ELOVL7: variants seen among roughly 807,000 people sequenced by gnomAD.
The protein encoded by ELOVL7 is ELOVL fatty acid elongase 7.
ELOVL7 carries 27 observed loss-of-function variants against 35.7 expected under a neutral mutation model. The ratio of observed to expected loss-of-function variants is 0.76; its 90% CI spans 0.56 to 1.04. ELOVL7 has a LOEUF of 1.04. Among genes scored for constraint, ELOVL7 ranks in the 50% least tolerant of loss-of-function variants. The pLI, the probability that ELOVL7 is intolerant of heterozygous loss-of-function variation, is 0.00. For missense variants in ELOVL7, 327 were observed against 340.8 expected, an observed-to-expected ratio of 0.96 and a Z score of 0.32; for synonymous variants, 113 against 114.6, an observed-to-expected ratio of 0.99 and a Z score of 0.09.
intron 7 of ELOVL7, among the ~76,000 whole-genome samples, chr5:60,759,810 C>T (rs1246822402): frequency 6.6e-6 from 1 of 151,872 alleles, no homozygotes; most frequent in East Asian, 1.9e-4. Context: ...CACAGCAGTC[C>T]CCAGAGTGTG....
chr5:60,757,693 A>C, intron 7 of ELOVL7, 48 bp from the exon 8 acceptor site: 1 of 1,471,484 alleles, frequency 6.8e-7, no homozygotes, highest in South Asian at 1.5e-5. Flanking sequence ...CCTTAAAATG[A>C]ACCACATTTT....
chr5:60,762,299 C>CAA (rs3030130), intron 7 of ELOVL7, among the ~76,000 whole-genome samples: 75 of 79,244 alleles, frequency 9.5e-4, no homozygotes, highest in Non-Finnish European at 1.3e-3. Flanking sequence ...AACTCTGCCT[C>CAA]AAAAAAAAAA....
chr5:60,792,722 G>A (rs1357462464), intron 2 of ELOVL7, among the ~76,000 whole-genome samples: 8 of 152,152 alleles, frequency 5.3e-5, no homozygotes, highest in African/African-American at 1.9e-4. Context: ...ATGTGGTATA[G>A]GTGTATAGGT....
intron 1 of ELOVL7, among the ~76,000 whole-genome samples, chr5:60,823,303 A>G (rs1404541575): frequency 6.6e-6 from 1 of 151,944 alleles, no homozygotes; most frequent in Non-Finnish European, 1.5e-5. Context: ...ATGAGTTAGT[A>G]AAGGGGAGGA....
chr5:60,820,749 C>T (rs1056350789), intron 1 of ELOVL7, among the ~76,000 whole-genome samples: 1 of 152,150 alleles, frequency 6.6e-6, no homozygotes, highest in Non-Finnish European at 1.5e-5. Flanking sequence ...TCCTTAAACT[C>T]CACTGACCCC....
intron 1 of ELOVL7, chr5:60,843,424 G>A (rs1747303911): frequency 6.6e-6 from 1 of 152,152 alleles, no homozygotes; most frequent in African/African-American, 2.4e-5. Flanking sequence ...AACGATACCT[G>A]GGACGACAAA....
At position 60,794,008 on chromosome 5, in the gene ELOVL7, C is replaced by T. The variant is rs368901466; in HGVS notation, c.-35+5172G>A. ...GGTGGAAGAAACAAGAGAGATACTT[C>T]AGAGGAATAGCTAAGGCTCACAGTC... On this transcript the variant is annotated intron_variant, in intron 2 of 8. Coordinates refer to ENST00000508821, the MANE Select transcript of ELOVL7 (RefSeq NM_024930.3). 8.5e-5 allele frequency among the ~76,000 whole-genome samples: 13 copies of T among 152,240 alleles called. No individual in the cohort carries two copies. The South Asian group carries it at 1.5e-3, about 17-fold the overall frequency.
chr5:60,817,757 T>A (rs867791181), intron 1 of ELOVL7, among the ~76,000 whole-genome samples: 2 of 143,162 alleles, frequency 1.4e-5, no homozygotes, highest in Non-Finnish European at 1.5e-5. Context: ...ACCATATATA[T>A]ACCATATATA....
chr5:60,792,825 T>C (rs1218462856), intron 2 of ELOVL7, among the ~76,000 whole-genome samples: 1 of 152,228 alleles, frequency 6.6e-6, no homozygotes, highest in Non-Finnish European at 1.5e-5. Flanking sequence ...TGGTGATGGC[T>C]TAAAAATCAA....
chr5:60,830,636 T>C (rs1746430698), intron 1 of ELOVL7, among the ~76,000 whole-genome samples: 1 of 150,862 alleles, frequency 6.6e-6, no homozygotes, highest in African/African-American at 2.4e-5. Context: ...GTAGTATGAC[T>C]ATTCATTTTT....
At chr5:60,817,550 ATGG>A (rs1286990819) in intron 1 of ELOVL7, among the ~76,000 whole-genome samples, 8 of 149,090 alleles carry the variant, frequency 5.4e-5, no homozygotes, top group African/African-American at 4.9e-5. Context: ...TATAAAACAA[ATGG>A]TGTGTGTGTG....
chr5:60,766,305 T>A (rs1482070027), intron 6 of ELOVL7, among the ~76,000 whole-genome samples: 1 of 152,238 alleles, frequency 6.6e-6, no homozygotes, highest in Non-Finnish European at 1.5e-5. Context: ...ACAGTCACCA[T>A]GCTTATCATA....
At position 60,772,004 on chromosome 5, in the gene ELOVL7, C is replaced by G; in HGVS notation, c.154G>C (p.Gly52Arg). The G allele has an allele frequency of 6.2e-7, 1 of 1,613,582 alleles. No homozygotes were observed. Among genetic ancestry groups the G allele is most frequent in the African/African-American group, 1.3e-5 (1 of 74,962 alleles). The change falls in exon 4 of 9, where the codon GGA (glycine) becomes CGA (arginine). Residue 52 changes from glycine to arginine, a missense_variant. Physicochemically the swap from Gly to Arg is moderately radical, Grantham distance 125 (BLOSUM62 -2). Transcript: ENST00000508821. ...TTGCGATTTTCCATGAGCTTTGGTC[C>G]CAAGGAAGTGACAAAATAGACATAG... ...GFYVYFVTSL[G>R]PKLMENRKPF...
chr5:60,824,309 A>C (rs1374847779), intron 1 of ELOVL7, among the ~76,000 whole-genome samples: 1 of 152,212 alleles, frequency 6.6e-6, no homozygotes, highest in Non-Finnish European at 1.5e-5. Flanking sequence ...AGGAACTTTA[A>C]GGCCGCTCAC....
chr5:60,768,781 C>T, intron 4 of ELOVL7: 1 of 430,978 alleles, frequency 2.3e-6, no homozygotes, highest in South Asian at 1.6e-5. Context: ...ATGATCAGTT[C>T]TTCTCATACA....
At chr5:60,768,759 G>A (rs1485335495) in intron 4 of ELOVL7, 1 of 453,692 alleles carries the variant, frequency 2.2e-6, no homozygotes, top group East Asian at 6.9e-5. Flanking sequence ...CTTAATTTAG[G>A]GCACTGACAA....
At chr5:60,779,416 C>G (rs1281222440) in intron 3 of ELOVL7, among the ~76,000 whole-genome samples, 1 of 152,214 alleles carries the variant, frequency 6.6e-6, no homozygotes, top group Non-Finnish European at 1.5e-5. Context: ...CCTCTGAAAT[C>G]TAGGTAGAGG....
chr5:60,792,453 G>A (rs931820328), intron 2 of ELOVL7, among the ~76,000 whole-genome samples: 3 of 152,174 alleles, frequency 2.0e-5, no homozygotes, highest in Admixed American at 2.0e-4. Context: ...TTAGAAAACT[G>A]TTAACAACTG....
intron 4 of ELOVL7, among the ~76,000 whole-genome samples, chr5:60,770,905 G>T (rs1423667157): frequency 6.6e-6 from 1 of 152,074 alleles, no homozygotes; most frequent in East Asian, 1.9e-4. Flanking sequence ...TCCCTATGTT[G>T]TCCAGGCTGG....
Sources: allele counts gnomAD v4.1 joint callset (sites outside exome capture counted in the v4.1 genomes callset), GRCh38; gene constraint gnomAD v4.1.1; transcripts MANE v1.5; gene names NCBI Gene and HGNC (gene_info 2026-07-23, HGNC 2026-07-21).